The following IMPG1 variants were observed in gnomAD, a reference collection of about 807,000 sequenced individuals.
The protein encoded by IMPG1 is interphotoreceptor matrix proteoglycan of 150 kDa.
Under a neutral mutation model 92.0 loss-of-function variants are expected in IMPG1, and 85 were observed. The ratio of observed to expected loss-of-function variants is 0.92; its 90% CI spans 0.78 to 1.11. IMPG1 has a LOEUF of 1.11. Among genes scored for constraint, IMPG1 ranks in the 50% least tolerant of loss-of-function variants. The pLI, the probability that IMPG1 is intolerant of heterozygous loss-of-function variation, is 0.00. For synonymous variants in IMPG1, 367 were observed against 334.1 expected, an observed-to-expected ratio of 1.10 and a Z score of -1.08; for missense variants, 1,022 against 956.0, an observed-to-expected ratio of 1.07 and a Z score of -0.91.
chr6:75,964,130 GT>G (rs1305944216), intron 12 of IMPG1, among the ~76,000 whole-genome samples: 1 of 152,144 alleles, frequency 6.6e-6, no homozygotes, highest in Non-Finnish European at 1.5e-5. Flanking sequence ...TGCATGCTCC[GT>G]AAGGACCTAA....
chr6:76,063,841 T>G (rs1225627593), intron 1 of IMPG1, among the ~76,000 whole-genome samples: 4 of 152,208 alleles, frequency 2.6e-5, no homozygotes, highest in Admixed American at 2.6e-4. Flanking sequence ...AAGAGTGCAG[T>G]GCACCAAGGG....
chr6:76,007,084 G>A (rs1783111384), intron 9 of IMPG1, among the ~76,000 whole-genome samples: 1 of 152,098 alleles, frequency 6.6e-6, no homozygotes, highest in Admixed American at 6.6e-5. Context: ...GAGCAAATTA[G>A]TTTCTCTGCT....
intron 1 of IMPG1, among the ~76,000 whole-genome samples, chr6:76,071,185 T>C (rs1330150051): frequency 6.7e-6 from 1 of 148,218 alleles, no homozygotes; most frequent in Non-Finnish European, 1.5e-5. Flanking sequence ...AAAAATTATA[T>C]ATAATTATAT....
At chr6:75,980,075 G>A (rs1782603049) in intron 12 of IMPG1, among the ~76,000 whole-genome samples, 1 of 152,186 alleles carries the variant, frequency 6.6e-6, no homozygotes, top group Non-Finnish European at 1.5e-5. Context: ...TGCCTAATAT[G>A]CTTCAAGCAG....
At chr6:75,970,746 A>G (rs144308257) in intron 12 of IMPG1, among the ~76,000 whole-genome samples, 354 of 152,332 alleles carry the variant, frequency 2.3e-3, no homozygotes, top group African/African-American at 8.1e-3. Flanking sequence ...TAATAGTATG[A>G]TCAAAGTTCA....
chr6:76,051,635 C>T (rs1205860975), intron 1 of IMPG1, among the ~76,000 whole-genome samples: 1 of 152,148 alleles, frequency 6.6e-6, no homozygotes, highest in East Asian at 1.9e-4. Flanking sequence ...AGCATGCATG[C>T]TGATTATCAA....
intron 14 of IMPG1, among the ~76,000 whole-genome samples, chr6:75,939,985 A>C (rs554110805): frequency 7.9e-5 from 12 of 152,260 alleles, no homozygotes; most frequent in African/African-American, 2.9e-4. Flanking sequence ...TGAACTGTCC[A>C]CTTAAGTGCC....
At chr6:76,030,900 G>A (rs1783642453) in intron 4 of IMPG1, among the ~76,000 whole-genome samples, 1 of 152,186 alleles carries the variant, frequency 6.6e-6, no homozygotes, top group Admixed American at 6.5e-5. Flanking sequence ...GTCCACTGGG[G>A]TAGAGCCTCT....
Position 75,922,101 on chromosome 6 carries a change from C to T in IMPG1, c.2382G>A (p.Trp794Ter). ...VEYEEFNHQD[W>*]EGN is the part of the protein sequence containing the mutation. ...ACATTTTCAGTTTTTAATTTCCTTC[C>T]CAATCTTGATGGTTAAATTCTTCAT... Residue 794 changes from tryptophan to a stop codon, truncating the protein, a stop_gained, in exon 17 of 17, where the codon TGG becomes TGA. Transcript: ENST00000369950. LOFTEE classifies it high-confidence loss of function. 1 of 1,337,052 alleles carries T rather than the reference C, an allele frequency of 7.5e-7. No individual in the cohort carries two copies. Among genetic ancestry groups the T allele is most frequent in the Non-Finnish European group, 1.1e-6 (1 of 940,710 alleles). 82.8% of individuals were successfully genotyped at this position (1,337,052 alleles called of 1,614,324 possible).
At chr6:75,956,123 G>T (rs1035478560) in intron 12 of IMPG1, among the ~76,000 whole-genome samples, 1 of 152,154 alleles carries the variant, frequency 6.6e-6, no homozygotes, top group African/African-American at 2.4e-5. Flanking sequence ...AAATGAATTA[G>T]GGAGGATGCC....
intron 12 of IMPG1, among the ~76,000 whole-genome samples, chr6:76,001,073 C>T (rs933622143): frequency 2.0e-4 from 30 of 152,266 alleles, no homozygotes; most frequent in Admixed American, 4.6e-4. Flanking sequence ...AGAAGCTTAA[C>T]CAAATTATCT....
At chr6:76,052,489 T>C (rs2127596340) in intron 1 of IMPG1, among the ~76,000 whole-genome samples, 1 of 152,290 alleles carries the variant, frequency 6.6e-6, no homozygotes, top group Admixed American at 6.5e-5. Context: ...CCTGCAGAGG[T>C]GCTGTTCCTG....
At chr6:76,061,504 T>C (rs993262754) in intron 1 of IMPG1, among the ~76,000 whole-genome samples, 2 of 152,170 alleles carry the variant, frequency 1.3e-5, no homozygotes, top group Non-Finnish European at 2.9e-5. Context: ...CATACACCAA[T>C]AGTAAAGGAT....
intron 7 of IMPG1, among the ~76,000 whole-genome samples, chr6:76,016,873 G>T (rs1783298335): frequency 6.6e-6 from 1 of 152,206 alleles, no homozygotes; most frequent in East Asian, 1.9e-4. Context: ...TCTAGGAGAA[G>T]CTCATAGCCT....
intron 12 of IMPG1, among the ~76,000 whole-genome samples, chr6:75,989,366 A>T (rs575313385): frequency 2.0e-5 from 3 of 152,166 alleles, no homozygotes; most frequent in African/African-American, 7.2e-5. Flanking sequence ...CCCTTGAGAT[A>T]CTCTGGCTTT....
At chr6:76,033,854 G>A (rs1344590960) in intron 4 of IMPG1, among the ~76,000 whole-genome samples, 1 of 151,948 alleles carries the variant, frequency 6.6e-6, no homozygotes, top group Admixed American at 6.6e-5. Context: ...TTCAGTTCTT[G>A]TTGAGGATAT....
Position 76,010,506 on chromosome 6 carries a change from G to A in IMPG1, c.866+660C>T, listed in dbSNP as rs145594343. ...AGCCCTCCTTGTGCCAAAGATGTGG[G>A]AATATGGTTAAACCCTCTTTAGTGT... On this transcript the variant is annotated intron_variant, in intron 8 of 16. Transcript: ENST00000369950. 7.4e-3 allele frequency among the ~76,000 whole-genome samples: 1,125 copies of A among 152,294 alleles called. 14 individuals carry two copies. Among genetic ancestry groups the A allele is most frequent in the African/African-American group, 0.026 (1,061 of 41,540 alleles).
chr6:75,995,241 A>G (rs1782876328), intron 12 of IMPG1, among the ~76,000 whole-genome samples: 1 of 152,204 alleles, frequency 6.6e-6, no homozygotes, highest in South Asian at 2.1e-4. Context: ...AGACTCTTCT[A>G]ATTGATTGCT....
intron 4 of IMPG1, 145 bp from the exon 5 acceptor site, chr6:76,025,403 C>A: frequency 2.2e-6 from 1 of 452,636 alleles, no homozygotes; most frequent in Non-Finnish European, 3.9e-6. Flanking sequence ...TATTTTTAAA[C>A]TACAGAAGTA....
Sources: allele counts gnomAD v4.1 joint callset (sites outside exome capture counted in the v4.1 genomes callset), GRCh38; gene constraint gnomAD v4.1.1; transcripts MANE v1.5; gene names NCBI Gene and HGNC (gene_info 2026-07-23, HGNC 2026-07-21).